The following GCN1 variants were observed in gnomAD, a reference collection of about 807,000 sequenced individuals.
GCN1 encodes the protein GCN1 activator of EIF2AK4, also known as stalled ribosome sensor GCN1.
A neutral mutation model predicts 288.4 loss-of-function variants in GCN1; 90 were observed. That is an observed-to-expected ratio of 0.31 (90% CI 0.26 to 0.37). The LOEUF is 0.37. Among genes scored for constraint, GCN1 ranks in the 10% least tolerant of loss-of-function variants. The pLI, the probability that GCN1 is intolerant of heterozygous loss-of-function variation, is 1.00. For missense variants in GCN1, 2,586 were observed against 3,419.9 expected (o/e 0.76, Z 6.08); for synonymous variants, 1,386 against 1,420.2 (o/e 0.98, Z 0.54).
At chr12:120,146,854 TAAG>T (rs967464016) in intron 38 of GCN1, among the ~76,000 whole-genome samples, 195 bp downstream of exon 38, 8 of 152,318 alleles carry the variant, frequency 5.3e-5, no homozygotes, top group African/African-American at 1.7e-4. Context: ...AGCTGAGAAC[TAAG>T]AAGGACTTGA....
At chr12:120,146,204 T>G (rs1015161323) in intron 38 of GCN1, among the ~76,000 whole-genome samples, 2 of 150,284 alleles carry the variant, frequency 1.3e-5, no homozygotes, top group Admixed American at 6.6e-5. Flanking sequence ...GCGGCAGAGG[T>G]TGCAGTGAGC....
Position 120,137,069 on chromosome 12 carries a change from G to C in GCN1, c.6777+137C>G. ...TGACTGCCATGGAAGAAAACATGCTGTCTGCGAAGGTGCTGAACACCAACC... is the reference window on the plus strand; with the variant it reads ...TGACTGCCATGGAAGAAAACATGCTCTCTGCGAAGGTGCTGAACACCAACC... On this transcript the variant is annotated intron_variant, in intron 50 of 57. Transcript: ENST00000300648. This position sits in a 1 kb window ranked among gnomAD's most constrained non-coding sequence, Gnocchi z 5.2. 1.5e-6 allele frequency: 1 copy of C among 684,476 alleles called. No individual in the cohort carries two copies. Among genetic ancestry groups the C allele is most frequent in the South Asian group, 1.7e-5 (1 of 59,572 alleles). The allele number at this position is 684,476 out of a possible 1,614,324, so 42.4% of individuals were successfully genotyped here.
At chr12:120,184,087 G>C (rs1313933063) in intron 4 of GCN1, 25 bp downstream of exon 4, 1 of 1,601,328 alleles carries the variant, frequency 6.2e-7, no homozygotes, top group African/African-American at 1.3e-5. Context: ...CCAATTCTCA[G>C]GGGGCCACAA....
In GCN1 at chr12:120,183,694, G is replaced by A. The variant is rs769316001; in HGVS notation, c.318-17C>T. 1.6e-5 allele frequency: 24 copies of A among 1,506,496 alleles called. No individual in the cohort carries two copies. The highest frequency in any genetic ancestry group is 2.2e-5 in the Non-Finnish European group (24 of 1,082,354). 93.3% of individuals were successfully genotyped at this position (1,506,496 alleles called of 1,614,324 possible). On this transcript the variant is annotated splice_polypyrimidine_tract_variant and intron_variant, in intron 4 of 57. Coordinates refer to ENST00000300648, the MANE Select transcript of GCN1 (RefSeq NM_006836.2). Reference sequence around the variant, plus strand: ...CTGCTCTTACTGCAGAGCAGAGTTGGGGATGAGTTCAGAGCAGCAGCCTCC... The same window carrying A: ...CTGCTCTTACTGCAGAGCAGAGTTGAGGATGAGTTCAGAGCAGCAGCCTCC...
intron 31 of GCN1, among the ~76,000 whole-genome samples, chr12:120,154,499 C>G (rs1044572354): frequency 6.6e-6 from 1 of 152,200 alleles, no homozygotes; most frequent in Admixed American, 6.5e-5. Flanking sequence ...TTCAATGTCC[C>G]AGTTGCTCCC....
chr12:120,162,634 G>A (rs1257528137), intron 20 of GCN1, among the ~76,000 whole-genome samples: 2 of 152,222 alleles, frequency 1.3e-5, no homozygotes. Context: ...GTGAACCCCT[G>A]TAGCCAGTCA....
At chr12:120,175,126 CAAAAAAAAAAAA>C (rs58560211) in intron 12 of GCN1, 24 bp downstream of exon 12, 37 of 1,065,014 alleles carry the variant, frequency 3.5e-5, no homozygotes, top group East Asian at 1.0e-4. Flanking sequence ...GACTTTCTCT[CAAAAAAAAAAAA>C]AAAAAAAAAA....
chr12:120,161,945 C>T lies in GCN1; in HGVS notation c.2277G>A (p.Thr759=), dbSNP rs150921570. Residue 759 remains threonine (T), a synonymous_variant, in exon 21 of 58, where the codon ACG becomes ACA. Coordinates refer to ENST00000300648, the MANE Select transcript of GCN1 (RefSeq NM_006836.2). ...TCTGCATAATGGCAAACTCCTCCCGCGTCACCAGGCGCAGTGCAGGGTTCT... is the reference window on the plus strand; with the variant it reads ...TCTGCATAATGGCAAACTCCTCCCGTGTCACCAGGCGCAGTGCAGGGTTCT... ...SVQNPALRLV[T]REEFAIMQTP... The T allele has an allele frequency of 5.0e-5, 81 of 1,614,150 alleles. No individual in the cohort carries two copies. In the African/African-American group the frequency reaches 1.0e-3, roughly 20 times the overall value.
chr12:120,145,144 G>T, intron 39 of GCN1, 83 bp from the exon 40 acceptor site: 4 of 1,568,290 alleles, frequency 2.6e-6, no homozygotes, highest in Non-Finnish European at 3.5e-6. Flanking sequence ...AAGGGGCACC[G>T]AGGGCCTCTT....
chr12:120,150,709 G>A lies in GCN1; in HGVS notation c.4309+436C>T, dbSNP rs933870005. On this transcript the variant is annotated intron_variant, in intron 34 of 57. Transcript: ENST00000300648. ...TCCCAGCACTTTGGGAGGCTGAGGC[G>A]GACAGATCACGAGGTCAGGAGATCG... is the stretch of plus-strand genomic sequence containing the variant. Among the ~76,000 whole-genome samples the A allele has an allele frequency of 7.9e-5, 12 of 151,104 alleles. No homozygotes were observed. The East Asian group carries it at 1.2e-3, about 15-fold the overall frequency.
At chr12:120,163,410 G>GGGACC in intron 18 of GCN1, 151 bp from the exon 19 acceptor site, 1 of 635,366 alleles carries the variant, frequency 1.6e-6, no homozygotes, top group Non-Finnish European at 2.7e-6. Context: ...TTCCTGCAAT[G>GGGACC]GGACCCACAG....
In GCN1 at chr12:120,144,414, G is replaced by T; in HGVS notation, c.5387C>A (p.Thr1796Asn). ...AACCCGCTGGCCCGCGCGCAGGGCGGTGTCACGCACAAACTCATTCTCATC... is the reference window on the plus strand; with the variant it reads ...AACCCGCTGGCCCGCGCGCAGGGCGTTGTCACGCACAAACTCATTCTCATC... ...LADENEFVRD[T>N]ALRAGQRVIS... The change falls in exon 42 of 58, where the codon ACC becomes AAC. Residue 1796 changes from threonine (T) to asparagine (N), a missense_variant. By Grantham distance (65) the Thr-to-Asn change is moderately conservative. This residue lies in a region of GCN1 where 371 missense variants were observed against 572.6 expected (regional missense o/e 0.65). Coordinates refer to ENST00000300648, the MANE Select transcript of GCN1 (RefSeq NM_006836.2). The surrounding 1 kb of genome is among the most constrained non-coding windows in gnomAD (Gnocchi z 4.7). The T allele has an allele frequency of 6.2e-7, 1 of 1,614,164 alleles. No individual in the cohort carries two copies. Among genetic ancestry groups the T allele is most frequent in the Non-Finnish European group, 8.5e-7 (1 of 1,179,978 alleles).
At chr12:120,161,762 A>T in intron 21 of GCN1, 118 bp downstream of exon 21, 1 of 1,070,788 alleles carries the variant, frequency 9.3e-7, no homozygotes, top group East Asian at 2.4e-5. Flanking sequence ...ACAGGCGCTT[A>T]GCCAATGAAT....
Position 120,155,088 on chromosome 12 carries a change from C to G in GCN1, c.3631-48G>C, listed in dbSNP as rs1877697556. 6.4e-7 allele frequency: 1 copy of G among 1,562,010 alleles called. No homozygotes were observed. The stretch of plus-strand genomic sequence containing the variant: ...TGCTTTGCAACGGGCAGATCAATGA[C>G]CTGGGCACCAGGATTGTGAGGCAGG... On this transcript the variant is annotated intron_variant, in intron 30 of 57. Transcript: ENST00000300648. This position sits in a 1 kb window ranked among gnomAD's most constrained non-coding sequence, Gnocchi z 4.9.
chr12:120,157,319 C>T (rs1327752779), intron 26 of GCN1, among the ~76,000 whole-genome samples: 9 of 152,224 alleles, frequency 5.9e-5, no homozygotes, highest in Admixed American at 2.0e-4. Context: ...TCATCACTGA[C>T]GATATTAATA....
At chr12:120,184,759 C>A (rs1295771401) in intron 3 of GCN1, 65 bp downstream of exon 3, 1 of 1,190,676 alleles carries the variant, frequency 8.4e-7, no homozygotes, top group Non-Finnish European at 1.3e-6. Context: ...TGGGCTCTAA[C>A]CACTACTCTA....
chr12:120,151,454 G>T (rs1374715779), intron 33 of GCN1, 63 bp from the exon 34 acceptor site: 3 of 1,571,554 alleles, frequency 1.9e-6, no homozygotes, highest in African/African-American at 2.7e-5. Context: ...GTTGGTGGGG[G>T]GTCTGACCAT....
In GCN1 at chr12:120,177,542, G is replaced by C. The variant is rs1443116892; in HGVS notation, c.743C>G (p.Pro248Arg). The C allele has an allele frequency of 4.4e-6, 7 of 1,608,670 alleles. No homozygotes were observed. Among genetic ancestry groups the C allele is most frequent in the African/African-American group, 2.7e-5 (2 of 74,776 alleles). ...TGAGTGGGACAGGTATCGGAGCAGA[G>C]GGGCACAGCTATCCTACAAAGAAAA... ...PPKYLLDSCA[P>R]LLRYLSHSEF... The change falls in exon 9 of 58, where the codon CCT becomes CGT. Residue 248 changes from proline to arginine, a missense_variant. Coordinates refer to ENST00000300648, the MANE Select transcript of GCN1 (RefSeq NM_006836.2).
intron 57 of GCN1, among the ~76,000 whole-genome samples, chr12:120,128,837 CTTTTTTTTT>C (rs35329199): frequency 9.1e-5 from 9 of 98,414 alleles, no homozygotes; most frequent in South Asian, 3.6e-4. Flanking sequence ...TCACCCAAAT[CTTTTTTTTT>C]TTTTTTTTTT....
Sources: allele counts gnomAD v4.1 joint callset (sites outside exome capture counted in the v4.1 genomes callset), GRCh38; gene constraint gnomAD v4.1.1; regional missense constraint gnomAD v4.1.1; non-coding constraint Gnocchi (gnomAD v3.1); transcripts MANE v1.5; gene names NCBI Gene and HGNC (gene_info 2026-07-23, HGNC 2026-07-21).